BRAF: variants seen among roughly 807,000 people sequenced by gnomAD.
BRAF encodes the protein serine/threonine-protein kinase B-raf.
A neutral mutation model predicts 104.6 loss-of-function variants in BRAF; 16 were observed. That is an observed-to-expected ratio of 0.15 (90% CI 0.10 to 0.23). BRAF has a LOEUF of 0.23. Among genes scored for constraint, BRAF ranks in the 10% least tolerant of loss-of-function variants. The pLI, the probability that BRAF is intolerant of heterozygous loss-of-function variation, is 1.00. For missense variants in BRAF, 541 were observed against 937.3 expected (o/e 0.58, Z 5.52); for synonymous variants, 310 against 341.6 (o/e 0.91, Z 1.02).
chr7:140,722,278 A>G lies in BRAF; in HGVS notation c.*4216T>C, dbSNP rs1018095211. On this transcript the variant is annotated 3_prime_UTR_variant, in exon 20 of 20. Coordinates refer to ENST00000644969, the MANE Select transcript of BRAF (RefSeq NM_001374258.1). ...GTGTGTTTTCTCATTGTTAAATGTG[A>G]TTTTGGCTATAAACTCTTTAGTGCA... 8.5e-6 allele frequency: 9 copies of G among 1,056,210 alleles called. No homozygotes were observed. In the South Asian group the frequency reaches 3.2e-4, roughly 38 times the overall value. The allele number at this position is 1,056,210 out of a possible 1,614,324, so 65.4% of individuals were successfully genotyped here.
In BRAF at chr7:140,796,396, G is replaced by T. The variant is rs569360789; in HGVS notation, c.981-1929C>A. 4.7e-5 allele frequency among the ~76,000 whole-genome samples: 7 copies of T among 149,482 alleles called. No individual in the cohort carries two copies. In the East Asian group the frequency reaches 1.4e-3, roughly 29 times the overall value. ...AAATTGGAAAAAGTATGAATAACTA[G>T]AATTGCATAAGATAGTCTACTGTAA... On this transcript the variant is annotated intron_variant, in intron 7 of 19. Transcript: ENST00000644969.
chr7:140,892,946 T>A lies in BRAF; in HGVS notation c.138+31620A>T, dbSNP rs114961644. Among the ~76,000 whole-genome samples the A allele has an allele frequency of 8.6e-3, 1,310 of 152,258 alleles. 15 individuals are homozygous for A. Among genetic ancestry groups the A allele is most frequent in the African/African-American group, 0.03 (1,236 of 41,520 alleles). On this transcript the variant is annotated intron_variant, in intron 1 of 19. Transcript: ENST00000644969. Reference sequence around the variant, plus strand: ...ACTATTGAACATAAGATATAAAAGGTTAAAAGCTAAAGGCAGCTGAGCAGA... The same window carrying A: ...ACTATTGAACATAAGATATAAAAGGATAAAAGCTAAAGGCAGCTGAGCAGA...
intron 3 of BRAF, among the ~76,000 whole-genome samples, chr7:140,830,773 T>C (rs967451251): frequency 6.6e-5 from 10 of 152,130 alleles, no homozygotes; most frequent in African/African-American, 2.4e-4. Flanking sequence ...CATTTGGAGG[T>C]AGTGGAAGGT....
intron 17 of BRAF, among the ~76,000 whole-genome samples, chr7:140,746,169 G>C (rs1797330615): frequency 6.6e-6 from 1 of 152,030 alleles, no homozygotes; most frequent in Non-Finnish European, 1.5e-5. Context: ...ATTATAACTG[G>C]AATAATACAC....
intron 1 of BRAF, among the ~76,000 whole-genome samples, chr7:140,875,722 G>C (rs1812164968): frequency 6.6e-6 from 1 of 152,158 alleles, no homozygotes; most frequent in South Asian, 2.1e-4. Context: ...ATAAAATATA[G>C]GGGAACACCA....
intron 5 of BRAF, 73 bp from the exon 6 acceptor site, chr7:140,801,633 C>T (rs1586214116): frequency 6.9e-7 from 1 of 1,447,104 alleles, no homozygotes; most frequent in South Asian, 1.2e-5. Flanking sequence ...TATCTACTCT[C>T]TTGTTTAAAA....
intron 19 of BRAF, chr7:140,730,952 A>G (rs1795912413): frequency 6.6e-6 from 1 of 152,214 alleles, no homozygotes; most frequent in Non-Finnish European, 1.5e-5. Flanking sequence ...TTAAGGAGAA[A>G]GTCAACTGCA....
At chr7:140,716,261 A>C (rs1016989673), downstream of BRAF, among the ~76,000 whole-genome samples, 4 of 152,180 alleles carry the variant, frequency 2.6e-5, no homozygotes, top group African/African-American at 9.7e-5. Context: ...GACTTGCTGG[A>C]TCTGACTAGG....
At chr7:140,825,558 C>T (rs977752026) in intron 3 of BRAF, among the ~76,000 whole-genome samples, 1 of 152,076 alleles carries the variant, frequency 6.6e-6, no homozygotes, top group Non-Finnish European at 1.5e-5. Context: ...ACTTTTCATT[C>T]CTTCTGTGTT....
chr7:140,899,939 T>C (rs1326457597), intron 1 of BRAF, among the ~76,000 whole-genome samples: 1 of 152,258 alleles, frequency 6.6e-6, no homozygotes, highest in African/African-American at 2.4e-5. Context: ...CCATCTTGGG[T>C]GTTTTCTCTT....
intron 1 of BRAF, among the ~76,000 whole-genome samples, chr7:140,922,778 C>G (rs1250937436): frequency 6.6e-6 from 1 of 151,920 alleles, no homozygotes; most frequent in Non-Finnish European, 1.5e-5. Context: ...TCAAAGGAAA[C>G]AAAGATGTTT....
intron 10 of BRAF, among the ~76,000 whole-genome samples, chr7:140,784,304 T>C (rs1409820348): frequency 6.6e-6 from 1 of 152,194 alleles, no homozygotes; most frequent in Non-Finnish European, 1.5e-5. Context: ...TCATATGCAA[T>C]TTTCTAAAAT....
Position 140,723,385 on chromosome 7 carries a change from C to A in BRAF, c.*3109G>T. On this transcript the variant is annotated 3_prime_UTR_variant, in exon 20 of 20. Coordinates refer to ENST00000644969, the MANE Select transcript of BRAF (RefSeq NM_001374258.1). ...ACACCAACATAAATATAGCATATAT[C>A]ATTTGTATGGGATTTTATCTTCTAA... 1 of 1,054,292 alleles carries A rather than the reference C, an allele frequency of 9.5e-7. No individual in the cohort carries two copies. Among genetic ancestry groups the A allele is most frequent in the Non-Finnish European group, 1.1e-6 (1 of 872,606 alleles). 65.3% of individuals were successfully genotyped at this position (1,054,292 alleles called of 1,614,324 possible).
At chr7:140,763,296 C>A (rs897462392) in intron 14 of BRAF, among the ~76,000 whole-genome samples, 1 of 149,834 alleles carries the variant, frequency 6.7e-6, no homozygotes, top group Admixed American at 6.6e-5. Flanking sequence ...CTGACCCCCC[C>A]CACCTCCCTC....
chr7:140,827,859 G>C (rs887244223), intron 3 of BRAF, among the ~76,000 whole-genome samples: 1 of 152,116 alleles, frequency 6.6e-6, no homozygotes, highest in East Asian at 1.9e-4. Flanking sequence ...GCATTGTTGT[G>C]TTCCAATAAC....
At chr7:140,862,749 A>T (rs1484862397) in intron 1 of BRAF, among the ~76,000 whole-genome samples, 1 of 152,138 alleles carries the variant, frequency 6.6e-6, no homozygotes, top group East Asian at 1.9e-4. Context: ...ACTGCTAATA[A>T]ATCCAGGGGT....
chr7:140,870,560 C>T (rs1811463263), intron 1 of BRAF, among the ~76,000 whole-genome samples: 1 of 151,126 alleles, frequency 6.6e-6, no homozygotes, highest in African/African-American at 2.4e-5. Context: ...CTTAGTACTT[C>T]AAGTCTTTGC....
intron 1 of BRAF, among the ~76,000 whole-genome samples, chr7:140,910,068 T>C (rs777445791): frequency 2.0e-5 from 3 of 152,194 alleles, no homozygotes; most frequent in Non-Finnish European, 2.9e-5. Context: ...CCTCCATCTT[T>C]GTAACAACCA....
chr7:140,799,569 A>G (rs1802868987), intron 7 of BRAF: 1 of 232,082 alleles, frequency 4.3e-6, no homozygotes, highest in South Asian at 1.8e-4. Flanking sequence ...TATTCCCTTT[A>G]TATCTGTTGT....
Sources: allele counts gnomAD v4.1 joint callset (sites outside exome capture counted in the v4.1 genomes callset), GRCh38; gene constraint gnomAD v4.1.1; transcripts MANE v1.5; gene names NCBI Gene and HGNC (gene_info 2026-07-23, HGNC 2026-07-21).